The following PKP2 variants were observed in gnomAD, a reference collection of about 807,000 sequenced individuals.
The protein encoded by PKP2 is plakophilin 2, also known as plakophilin-2.
In PKP2, 73 loss-of-function variants were observed where a neutral mutation model predicts 83.4. That is an observed-to-expected ratio of 0.88 (90% CI 0.72 to 1.06). PKP2 has a LOEUF of 1.06. PKP2 is among the 50% of genes least tolerant of loss of function. PKP2 has a pLI of 0.00. For synonymous variants in PKP2, 409 were observed against 430.4 expected (o/e 0.95, Z 0.62); for missense variants, 966 against 1,065.4 (o/e 0.91, Z 1.30).
At chr12:32,861,874 G>A (rs550812029) in intron 4 of PKP2, among the ~76,000 whole-genome samples, 1 of 152,306 alleles carries the variant, frequency 6.6e-6, no homozygotes, top group East Asian at 1.9e-4. Context: ...AGTGATGCAA[G>A]TGAGAAGACA....
rs1252956173 is a variant in PKP2, at chr12:32,842,737, C to T, written c.1379-1532G>A. ...TTGCCAAGGCTGAAGTGCGGTGGCG[C>T]AATCTCGGCTACCTGCAACCTCTGC... On this transcript the variant is annotated intron_variant, in intron 5 of 12. Transcript: ENST00000340811. 2.0e-5 allele frequency among the ~76,000 whole-genome samples: 3 copies of T among 151,160 alleles called. No homozygotes were observed. In the East Asian group the frequency reaches 6.0e-4, roughly 30 times the overall value.
At chr12:32,835,798 T>C (rs1489102061) in intron 6 of PKP2, among the ~76,000 whole-genome samples, 1 of 152,196 alleles carries the variant, frequency 6.6e-6, no homozygotes, top group African/African-American at 2.4e-5. Flanking sequence ...GGGAGATGTC[T>C]GACTTACAGA....
intron 9 of PKP2, among the ~76,000 whole-genome samples, chr12:32,813,144 C>A (rs1346183885): frequency 6.6e-6 from 1 of 151,314 alleles, no homozygotes; most frequent in South Asian, 2.1e-4. Context: ...CAATAGTGAC[C>A]AAACAAACAA....
At chr12:32,881,345 A>G (rs1956984310) in intron 1 of PKP2, among the ~76,000 whole-genome samples, 1 of 152,196 alleles carries the variant, frequency 6.6e-6, no homozygotes. Context: ...AGGGCTGGCA[A>G]AAGGTCAGGC....
At chr12:32,885,358 A>G (rs1957022084) in intron 1 of PKP2, among the ~76,000 whole-genome samples, 1 of 152,210 alleles carries the variant, frequency 6.6e-6, no homozygotes, top group South Asian at 2.1e-4. Context: ...TGTCAGGGTT[A>G]AAATAGTCAA....
intron 1 of PKP2, among the ~76,000 whole-genome samples, chr12:32,892,965 C>T (rs1045449410): frequency 3.9e-5 from 6 of 152,078 alleles, no homozygotes; most frequent in Admixed American, 2.0e-4. Context: ...CTATTAGCTA[C>T]AATACAGACT....
chr12:32,873,098 G>A (rs1304075037), intron 3 of PKP2, among the ~76,000 whole-genome samples: 1 of 152,006 alleles, frequency 6.6e-6, no homozygotes, highest in Non-Finnish European at 1.5e-5. Flanking sequence ...TGCTCTTGTG[G>A]GTTTTGTTTG....
rs777690496 is a variant in PKP2, at chr12:32,858,064, C to CAAA, written c.1171-7094_1171-7092dup. ...GGAACACAGGGAGACCCCATCTCTA[C>CAAA]AAAAAAAAAAAAAAAAAAAAATATA... On this transcript the variant is annotated intron_variant, in intron 4 of 12. Transcript: ENST00000340811. 1.7e-3 allele frequency among the ~76,000 whole-genome samples: 46 copies of CAAA among 27,368 alleles called. 3 individuals carry two copies. The highest frequency in any genetic ancestry group is 4.4e-3 in the African/African-American group (34 of 7,732). The allele number at this position is 27,368 out of a possible 152,430, so 18.0% of individuals were successfully genotyped here. A position where few individuals can be genotyped will look rare whatever the true frequency, so the allele number is the denominator to read the frequency against.
chr12:32,893,040 A>G (rs535062831), intron 1 of PKP2, among the ~76,000 whole-genome samples: 1 of 152,336 alleles, frequency 6.6e-6, no homozygotes, highest in East Asian at 1.9e-4. Context: ...CAACTTTAAA[A>G]TGTTCAGCAC....
At chr12:32,888,235 C>T (rs1279129456) in intron 1 of PKP2, among the ~76,000 whole-genome samples, 2 of 152,080 alleles carry the variant, frequency 1.3e-5, no homozygotes, top group Non-Finnish European at 2.9e-5. Context: ...GGCATTCCTG[C>T]CAATTATTTG....
intron 4 of PKP2, among the ~76,000 whole-genome samples, chr12:32,860,865 TA>T (rs1330559912): frequency 1.3e-5 from 2 of 151,968 alleles, no homozygotes; most frequent in African/African-American, 4.8e-5. Context: ...CCATCTCTAC[TA>T]AAAATACAAA....
At chr12:32,894,273 C>G (rs1957101830) in intron 1 of PKP2, 1 of 152,122 alleles carries the variant, frequency 6.6e-6, no homozygotes, top group Non-Finnish European at 1.5e-5. Context: ...TCTTTTGGGT[C>G]ACTTACTACT....
At position 32,796,280 on chromosome 12, in the gene PKP2, T is replaced by G. The variant is rs1956123004; in HGVS notation, c.2186A>C (p.Asp729Ala). 4 of 1,611,138 alleles carry G rather than the reference T, an allele frequency of 2.5e-6. No homozygotes were observed. The highest frequency in any genetic ancestry group is 3.4e-6 in the Non-Finnish European group (4 of 1,178,522). ...QNEIAKETLP[D>A]LVSIIPDTVP... ...TGTGTCAGGAATGATGGAAACCAAA[T>G]CAGGGAGAGTTTCTTTGGCTACAAA... Residue 729 changes from aspartate to alanine, a missense_variant, in exon 11 of 13, where the codon GAT becomes GCT. By Grantham distance (126) the Asp-to-Ala change is moderately radical (BLOSUM62 -2). Coordinates refer to ENST00000340811, the MANE Select transcript of PKP2 (RefSeq NM_001005242.3).
intron 11 of PKP2, among the ~76,000 whole-genome samples, chr12:32,794,413 A>G (rs1956102780): frequency 6.6e-6 from 1 of 152,236 alleles, no homozygotes; most frequent in Admixed American, 6.5e-5. Context: ...GGTCAGATAT[A>G]TAACACTCTA....
Position 32,821,474 on chromosome 12 carries a change from C to T in PKP2, c.1895G>A (p.Trp632Ter). ...CCTTATAACAATGGAATGCCACAGCCACTCCACGCCCTTGGGGTTGCTCTT... is the reference window on the plus strand; with the variant it reads ...CCTTATAACAATGGAATGCCACAGCTACTCCACGCCCTTGGGGTTGCTCTT... ...EEKSNPKGVE[W>*]LWHSIVIRMY... is the part of the protein sequence containing the mutation. Residue 632 changes from tryptophan (W) to a stop codon, truncating the protein, a stop_gained, in exon 9 of 13, where the codon TGG becomes TAG. Transcript: ENST00000340811. LOFTEE classifies it high-confidence loss of function. 1.2e-6 allele frequency: 2 copies of T among 1,614,052 alleles called. No individual in the cohort carries two copies. Among genetic ancestry groups the T allele is most frequent in the African/African-American group, 1.3e-5 (1 of 75,012 alleles).
intron 9 of PKP2, among the ~76,000 whole-genome samples, chr12:32,813,143 CCAAA>C (rs375502943): frequency 2.1e-3 from 325 of 152,128 alleles, no homozygotes; most frequent in Non-Finnish European, 3.4e-3. Context: ...CCAATAGTGA[CCAAA>C]CAAACAAACA....
At chr12:32,887,028 AT>A (rs749123781) in intron 1 of PKP2, among the ~76,000 whole-genome samples, 21 of 150,548 alleles carry the variant, frequency 1.4e-4, no homozygotes, top group Admixed American at 5.9e-4. Flanking sequence ...AGGGAACACT[AT>A]GGTGAAAAAT....
chr12:32,891,329 GCAT>G (rs1355805539), intron 1 of PKP2, among the ~76,000 whole-genome samples: 3 of 152,098 alleles, frequency 2.0e-5, no homozygotes, highest in Non-Finnish European at 4.4e-5. Context: ...AGAGGTTTTA[GCAT>G]CATATTTATT....
chr12:32,819,885 A>C (rs1357420613), intron 9 of PKP2, among the ~76,000 whole-genome samples: 20 of 145,680 alleles, frequency 1.4e-4, no homozygotes, highest in Admixed American at 4.2e-4. Flanking sequence ...CGCACACACA[A>C]CCCCCCCCCC....
Sources: gnomAD v4.1 joint callset for allele counts (sites outside exome capture counted in the v4.1 genomes callset) on GRCh38, gnomAD v4.1.1 for gene constraint, MANE v1.5 for transcripts, NCBI Gene and HGNC (gene_info 2026-07-23, HGNC 2026-07-21) for gene names.